Variants in CLSTN2 observed in about 807,000 individuals in gnomAD.
The protein encoded by CLSTN2 is calsyntenin 2, also known as calsyntenin-2.
CLSTN2 carries 48 observed loss-of-function variants against 101.2 expected under a neutral mutation model. The observed-to-expected ratio is 0.47, with a 90% CI of 0.38 to 0.60. The LOEUF (loss-of-function observed/expected upper bound fraction) is 0.60. Ranked by LOEUF, CLSTN2 falls within the 20% of genes least tolerant of loss-of-function variation. CLSTN2 has a pLI of 0.00. For synonymous variants in CLSTN2, 481 were observed against 463.6 expected, an observed-to-expected ratio of 1.04 and a Z score of -0.48; for missense variants, 1,160 against 1,238.2, an observed-to-expected ratio of 0.94 and a Z score of 0.95.
intron 4 of CLSTN2, among the ~76,000 whole-genome samples, chr3:140,417,656 T>C (rs1018867626): frequency 6.6e-6 from 1 of 152,220 alleles, no homozygotes; most frequent in Admixed American, 6.5e-5. Flanking sequence ...ATGTTCACCA[T>C]GGTTAACTGT....
intron 1 of CLSTN2, among the ~76,000 whole-genome samples, chr3:139,946,738 A>G (rs1364779431): frequency 6.6e-6 from 1 of 152,186 alleles, no homozygotes; most frequent in African/African-American, 2.4e-5. Context: ...TTTCTCAAGG[A>G]AAGTTTCCTG....
chr3:140,216,637 G>C (rs1308271017), intron 2 of CLSTN2, among the ~76,000 whole-genome samples: 1 of 152,198 alleles, frequency 6.6e-6, no homozygotes, highest in African/African-American at 2.4e-5. Context: ...TTAAGGGAAA[G>C]CATAGAGAAG....
chr3:140,475,481 AT>A (rs2107748566), intron 8 of CLSTN2, among the ~76,000 whole-genome samples: 1 of 151,956 alleles, frequency 6.6e-6, no homozygotes, highest in East Asian at 1.9e-4. Flanking sequence ...TATTACTTGG[AT>A]TTTCTTTATT....
At chr3:140,522,293 G>T (rs1210977423) in intron 8 of CLSTN2, among the ~76,000 whole-genome samples, 1 of 152,212 alleles carries the variant, frequency 6.6e-6, no homozygotes, top group Non-Finnish European at 1.5e-5. Context: ...TCCTCTCTGT[G>T]AGTGCCACAG....
chr3:140,108,806 T>G (rs891455954), intron 1 of CLSTN2, among the ~76,000 whole-genome samples: 2 of 152,188 alleles, frequency 1.3e-5, no homozygotes, highest in African/African-American at 4.8e-5. Context: ...CATGGCCACT[T>G]TAGAAAATGA....
In CLSTN2 at chr3:140,571,311, C is replaced by A. The variant is rs561007647; in HGVS notation, c.*5058C>A. On this transcript the variant is annotated 3_prime_UTR_variant, in exon 17 of 17. Coordinates refer to ENST00000458420, the MANE Select transcript of CLSTN2 (RefSeq NM_022131.3). ...CCAAGCACACTTCGAAATTAGCAAT[C>A]TTCTTGGCTCTATGGCTCAATATCA... 4 of 152,214 alleles carry A rather than the reference C, an allele frequency of 2.6e-5. No individual in the cohort carries two copies. The highest frequency in any genetic ancestry group is 5.9e-5 in the Non-Finnish European group (4 of 68,036). The allele number at this position is 152,214 out of a possible 1,614,324, so 9.4% of individuals were successfully genotyped here. A position where few individuals can be genotyped will look rare whatever the true frequency, so the allele number is the denominator to read the frequency against.
chr3:140,546,032 C>T (rs1935577036), intron 9 of CLSTN2, among the ~76,000 whole-genome samples: 1 of 152,212 alleles, frequency 6.6e-6, no homozygotes, highest in Non-Finnish European at 1.5e-5. Flanking sequence ...CAGACCAGAA[C>T]TAGAGCTCCA....
intron 8 of CLSTN2, among the ~76,000 whole-genome samples, chr3:140,525,996 T>G (rs57256375): frequency 0.1 from 15,323 of 151,944 alleles, 2,545 homozygotes; most frequent in African/African-American, 0.35. Context: ...AAGAGGAACC[T>G]TTCCCCTTGA....
chr3:140,322,310 T>C (rs1200184290), intron 2 of CLSTN2, among the ~76,000 whole-genome samples: 4 of 152,244 alleles, frequency 2.6e-5, no homozygotes, highest in Admixed American at 6.5e-5. Context: ...TGGGAGTCAT[T>C]GAATAAACAT....
chr3:140,275,074 G>C (rs1226667035), intron 2 of CLSTN2, among the ~76,000 whole-genome samples: 1 of 152,154 alleles, frequency 6.6e-6, no homozygotes, highest in African/African-American at 2.4e-5. Flanking sequence ...CTTAACCAAT[G>C]ACTGTCCAGT....
intron 2 of CLSTN2, among the ~76,000 whole-genome samples, chr3:140,383,209 A>G (rs944854511): frequency 6.6e-6 from 1 of 152,194 alleles, no homozygotes. Context: ...TGACCAGGAA[A>G]TAGATTGTTC....
chr3:140,566,441 GC>G lies in CLSTN2; in HGVS notation c.*191del. On this transcript the variant is annotated 3_prime_UTR_variant, in exon 17 of 17. Coordinates refer to ENST00000458420, the MANE Select transcript of CLSTN2 (RefSeq NM_022131.3). ...TTCATCCATGGGGAAGTTCCAAGAA[GC>G]CCAGCATGGCCATCAGTGAGGACTT... 3 of 616,872 alleles carry G rather than the reference GC, an allele frequency of 4.9e-6. No homozygotes were observed. In the South Asian group the frequency reaches 6.0e-5, roughly 12 times the overall value. The allele number at this position is 616,872 out of a possible 1,614,324, so 38.2% of individuals were successfully genotyped here.
chr3:140,295,892 A>C (rs926047284), intron 2 of CLSTN2, among the ~76,000 whole-genome samples: 1 of 152,174 alleles, frequency 6.6e-6, no homozygotes, highest in African/African-American at 2.4e-5. Flanking sequence ...ATATGCCTGT[A>C]ATACTTTAAA....
At chr3:140,230,236 G>A (rs1184678625) in intron 2 of CLSTN2, among the ~76,000 whole-genome samples, 3 of 152,112 alleles carry the variant, frequency 2.0e-5, no homozygotes, top group Non-Finnish European at 2.9e-5. Context: ...GCAGTGTTGT[G>A]AGGCAAGTGT....
At chr3:140,459,877 G>A in intron 7 of CLSTN2, 108 bp downstream of exon 7, 2 of 1,258,304 alleles carry the variant, frequency 1.6e-6, no homozygotes, top group Non-Finnish European at 2.3e-6. Context: ...AGAAAAGCAG[G>A]AGCCTGAGAG....
In CLSTN2 at chr3:140,280,689, C is replaced by G. The variant is rs76528304; in HGVS notation, c.232+104616C>G. On this transcript the variant is annotated intron_variant, in intron 2 of 16. Coordinates refer to ENST00000458420, the MANE Select transcript of CLSTN2 (RefSeq NM_022131.3). ...AGTGTGCCATGATGCAAGATGGGGC[C>G]ATGGAACAGGCTGGCTTTATGTACA... 1.9e-3 allele frequency among the ~76,000 whole-genome samples: 294 copies of G among 152,264 alleles called. 1 individual carries two copies. The highest frequency in any genetic ancestry group is 6.3e-3 in the African/African-American group (261 of 41,558).
chr3:140,239,407 A>G (rs1326481092), intron 2 of CLSTN2, among the ~76,000 whole-genome samples: 1 of 152,196 alleles, frequency 6.6e-6, no homozygotes, highest in Non-Finnish European at 1.5e-5. Context: ...CTATGACACA[A>G]TGCTTTCTTA....
intron 2 of CLSTN2, among the ~76,000 whole-genome samples, chr3:140,260,501 AT>A (rs1198431161): frequency 6.6e-6 from 1 of 152,020 alleles, no homozygotes; most frequent in Non-Finnish European, 1.5e-5. Context: ...TATGGTTTTT[AT>A]TTTTTAGTCT....
At chr3:140,502,379 C>T (rs888093382) in intron 8 of CLSTN2, among the ~76,000 whole-genome samples, 1 of 152,102 alleles carries the variant, frequency 6.6e-6, no homozygotes, top group Admixed American at 6.5e-5. Context: ...ACCCCTGTAC[C>T]CCACAGTTCA....
Sources: allele counts gnomAD v4.1 joint callset (sites outside exome capture counted in the v4.1 genomes callset), GRCh38; gene constraint gnomAD v4.1.1; transcripts MANE v1.5; gene names NCBI Gene and HGNC (gene_info 2026-07-23, HGNC 2026-07-21).